Variants in MAMDC2 observed in about 807,000 individuals in gnomAD.
MAMDC2 encodes the protein MAM domain-containing protein 2.
In MAMDC2, 57 loss-of-function variants were observed where a neutral mutation model predicts 89.8. The observed-to-expected ratio is 0.63, with a 90% CI of 0.51 to 0.79. The LOEUF is 0.79. Among genes scored for constraint, MAMDC2 ranks in the 30% least tolerant of loss-of-function variants. MAMDC2 has a pLI of 0.00. For missense variants in MAMDC2, 800 were observed against 820.6 expected (o/e 0.97, Z 0.31); for synonymous variants, 313 against 293.4 (o/e 1.07, Z -0.68).
intron 11 of MAMDC2, among the ~76,000 whole-genome samples, chr9:70,201,736 T>TTATTG (rs2118634146): frequency 7.0e-6 from 1 of 143,320 alleles, no homozygotes; most frequent in South Asian, 2.2e-4. Flanking sequence ...TCAGATCCTG[T>TTATTG]TATTGGTCTA....
Position 70,044,151 on chromosome 9 carries a change from G to C in MAMDC2, c.-47G>C. The C allele has an allele frequency of 1.2e-6, 2 of 1,608,950 alleles. No homozygotes were observed. The highest frequency in any genetic ancestry group is 1.7e-6 in the Non-Finnish European group (2 of 1,176,112). ...CACTAGGAGCAGCCAGTCCCAGCGG[G>C]CTGGCAACTTGCACCCCTTCCTAGT... On this transcript the variant is annotated 5_prime_UTR_variant, in exon 1 of 14. Coordinates refer to ENST00000377182, the MANE Select transcript of MAMDC2 (RefSeq NM_153267.5).
Position 70,149,045 on chromosome 9 carries a change from A to AAT in MAMDC2, c.1404+5226_1404+5227insAT, listed in dbSNP as rs1554675839. ...CTCTGTCTCAAAAAAAAAAAAAAAAATTTTTTTTTTTTTTTATTAGCCAGG... is the reference window on the plus strand; with the variant it reads ...CTCTGTCTCAAAAAAAAAAAAAAAAAATTTTTTTTTTTTTTTTATTAGCCAGG... On this transcript the variant is annotated intron_variant, in intron 9 of 13. Coordinates refer to ENST00000377182, the MANE Select transcript of MAMDC2 (RefSeq NM_153267.5). Among the ~76,000 whole-genome samples, 296 of 95,800 alleles carry AAT rather than the reference A, an allele frequency of 3.1e-3. 3 individuals carry two copies. Among genetic ancestry groups the AAT allele is most frequent in the African/African-American group, 7.6e-3 (187 of 24,670 alleles). 62.8% of individuals were successfully genotyped at this position (95,800 alleles called of 152,430 possible). A position where few individuals can be genotyped will look rare whatever the true frequency, so the allele number is the denominator to read the frequency against.
chr9:70,084,272 G>A (rs1306413314), intron 2 of MAMDC2, among the ~76,000 whole-genome samples: 4 of 152,060 alleles, frequency 2.6e-5, no homozygotes, highest in African/African-American at 7.2e-5. Context: ...CTTGGCCATA[G>A]TCTCTGAAGA....
chr9:70,156,564 A>G (rs1221303801), intron 9 of MAMDC2, among the ~76,000 whole-genome samples: 1 of 152,224 alleles, frequency 6.6e-6, no homozygotes, highest in African/African-American at 2.4e-5. Context: ...AGCAGCTGAG[A>G]GCAAAGTAGA....
At chr9:70,225,621 G>A (rs2033628213) in intron 12 of MAMDC2, 129 bp from the exon 13 acceptor site, 2 of 525,114 alleles carry the variant, frequency 3.8e-6, no homozygotes, top group African/African-American at 2.0e-5. Context: ...TTGTAATTTG[G>A]TATCCTTTTC....
intron 8 of MAMDC2, among the ~76,000 whole-genome samples, chr9:70,140,538 C>A (rs930066659): frequency 3.3e-5 from 5 of 152,084 alleles, no homozygotes; most frequent in Non-Finnish European, 7.4e-5. Flanking sequence ...ACTTTAGATG[C>A]AATACCTTTA....
intron 2 of MAMDC2, among the ~76,000 whole-genome samples, chr9:70,054,490 T>C: frequency 6.6e-6 from 1 of 152,090 alleles, no homozygotes; most frequent in East Asian, 1.9e-4. Flanking sequence ...ATGTCAATAG[T>C]TGGTAAAGAC....
chr9:70,180,102 G>A (rs1420998421), intron 11 of MAMDC2, among the ~76,000 whole-genome samples: 2 of 151,910 alleles, frequency 1.3e-5, no homozygotes, highest in East Asian at 3.9e-4. Context: ...TTATGAGTGA[G>A]AACATGCAGT....
rs5898117 is a variant in MAMDC2, at chr9:70,119,185, C to CAAA, written c.643+6066_643+6068dup. The stretch of plus-strand genomic sequence containing the variant: ...CATTACTGTTTTCTACATACCTTAG[C>CAAA]AAAAAAAAAAAAAAAGATGATTGCT... On this transcript the variant is annotated intron_variant, in intron 5 of 13. Transcript: ENST00000377182. Among the ~76,000 whole-genome samples the CAAA allele has an allele frequency of 1.0e-4, 10 of 97,980 alleles. 1 individual carries two copies. Among genetic ancestry groups the CAAA allele is most frequent in the East Asian group, 2.5e-4 (1 of 4,024 alleles). The allele number at this position is 97,980 out of a possible 152,430, so 64.3% of individuals were successfully genotyped here.
At chr9:70,200,624 T>A (rs1330745830) in intron 11 of MAMDC2, among the ~76,000 whole-genome samples, 2 of 143,860 alleles carry the variant, frequency 1.4e-5, no homozygotes, top group African/African-American at 2.6e-5. Flanking sequence ...TGGCATTGAA[T>A]CTGTAAATTA....
chr9:70,225,640 G>A, intron 12 of MAMDC2, 110 bp from the exon 13 acceptor site: 1 of 602,704 alleles, frequency 1.7e-6, no homozygotes, highest in South Asian at 2.7e-5. Flanking sequence ...TCCTTAAAGG[G>A]ATCCTCAAGA....
chr9:70,154,100 C>T (rs1449935281), intron 9 of MAMDC2: 1 of 152,240 alleles, frequency 6.6e-6, no homozygotes, highest in Non-Finnish European at 1.5e-5. Flanking sequence ...CTATCACCAT[C>T]ATACTACTCT....
chr9:70,131,022 A>G (rs1202197300), intron 6 of MAMDC2, among the ~76,000 whole-genome samples: 1 of 152,196 alleles, frequency 6.6e-6, no homozygotes, highest in East Asian at 1.9e-4. Flanking sequence ...TAATTTATAA[A>G]CAACAGAAAT....
At chr9:70,208,326 T>G (rs2033274131) in intron 11 of MAMDC2, among the ~76,000 whole-genome samples, 1 of 152,170 alleles carries the variant, frequency 6.6e-6, no homozygotes, top group African/African-American at 2.4e-5. Flanking sequence ...GGTTTGTAGT[T>G]CTCCTTGAAG....
chr9:70,205,210 C>A lies in MAMDC2; in HGVS notation c.1652-13127C>A, dbSNP rs184800346. Among the ~76,000 whole-genome samples the A allele has an allele frequency of 1.5e-3, 228 of 152,278 alleles. 1 individual carries two copies. Among genetic ancestry groups the A allele is most frequent in the Non-Finnish European group, 2.8e-3 (190 of 68,012 alleles). The stretch of plus-strand genomic sequence containing the variant: ...AACATACTTTAACCATTTTAAGTGT[C>A]TAATTCAGTGGCACTGAGTCTATTC... On this transcript the variant is annotated intron_variant, in intron 11 of 13. Coordinates refer to ENST00000377182, the MANE Select transcript of MAMDC2 (RefSeq NM_153267.5).
chr9:70,144,600 G>C (rs1403893009), intron 9 of MAMDC2, among the ~76,000 whole-genome samples: 1 of 152,146 alleles, frequency 6.6e-6, no homozygotes. Flanking sequence ...GTGTAAGAAA[G>C]GGTCCCAAAG....
intron 11 of MAMDC2, among the ~76,000 whole-genome samples, chr9:70,190,565 T>A (rs1587556225): frequency 6.6e-6 from 1 of 151,972 alleles, no homozygotes; most frequent in African/African-American, 2.4e-5. Context: ...TCAGTTTTTT[T>A]TTTTTTTTCT....
At chr9:70,203,247 C>T (rs1432226613) in intron 11 of MAMDC2, among the ~76,000 whole-genome samples, 1 of 152,098 alleles carries the variant, frequency 6.6e-6, no homozygotes, top group Non-Finnish European at 1.5e-5. Flanking sequence ...TTAGGGCAGG[C>T]CTGATGGTGA....
chr9:70,174,322 A>G (rs543709709), intron 11 of MAMDC2, among the ~76,000 whole-genome samples: 2 of 152,352 alleles, frequency 1.3e-5, no homozygotes, highest in Admixed American at 1.3e-4. Flanking sequence ...GGAGACAGAC[A>G]AGAAATATTA....
Sources: allele counts gnomAD v4.1 joint callset (sites outside exome capture counted in the v4.1 genomes callset), GRCh38; gene constraint gnomAD v4.1.1; transcripts MANE v1.5; gene names NCBI Gene and HGNC (gene_info 2026-07-23, HGNC 2026-07-21).